Variants in CDH11 observed in about 807,000 individuals in gnomAD.
CDH11 encodes cadherin 11, also known as cadherin-11.
In CDH11, 11 loss-of-function variants were observed where a neutral mutation model predicts 67.8. The ratio of observed to expected loss-of-function variants is 0.16; its 90% CI spans 0.10 to 0.27. The LOEUF is 0.27. Among genes scored for constraint, CDH11 ranks in the 10% least tolerant of loss-of-function variants. The pLI, the probability that CDH11 is intolerant of heterozygous loss-of-function variation, is 1.00. For synonymous variants in CDH11, 419 were observed against 400.0 expected (o/e 1.05, Z -0.57); for missense variants, 847 against 1,031.2 (o/e 0.82, Z 2.45).
At chr16:64,953,714 A>G (rs2071426317) in intron 11 of CDH11, among the ~76,000 whole-genome samples, 3 of 151,976 alleles carry the variant, frequency 2.0e-5, no homozygotes, top group South Asian at 2.1e-4. Context: ...CTCTTCTTGT[A>G]TATGTTTTCA....
chr16:64,981,898 C>A (rs1350824641), intron 8 of CDH11, 150 bp downstream of exon 8: 4 of 666,980 alleles, frequency 6.0e-6, no homozygotes, highest in Admixed American at 2.9e-5. Flanking sequence ...AAGCTCATGT[C>A]TTCTAAATCT....
Position 65,078,749 on chromosome 16 carries a change from T to C in CDH11, c.-297-24821A>G, listed in dbSNP as rs965320793. Among the ~76,000 whole-genome samples the C allele has an allele frequency of 2.6e-5, 4 of 152,120 alleles. No individual in the cohort carries two copies. The East Asian group carries it at 5.8e-4, about 22-fold the overall frequency. On this transcript the variant is annotated intron_variant, in intron 1 of 12. Transcript: ENST00000268603. ...AATAGAGATTCCTGTGGGAGGCTCCTGGAATCGGGAACCTAGACAGACTCC... is the reference window on the plus strand; with the variant it reads ...AATAGAGATTCCTGTGGGAGGCTCCCGGAATCGGGAACCTAGACAGACTCC...
chr16:65,114,785 T>C (rs954985243), intron 1 of CDH11, among the ~76,000 whole-genome samples: 28 of 152,078 alleles, frequency 1.8e-4, no homozygotes, highest in African/African-American at 6.8e-4. Context: ...TGAGAAACAG[T>C]TGGAAACCAT....
chr16:64,945,695 T>G lies in CDH11; in HGVS notation c.*1908A>C. On this transcript the variant is annotated 3_prime_UTR_variant, in exon 13 of 13. Transcript: ENST00000268603. Reference sequence around the variant, plus strand: ...GTCCACAAAATGTATTCCATTGAAGTGTTCAGCCCAATTTGATTTCAATGC... The same window carrying G: ...GTCCACAAAATGTATTCCATTGAAGGGTTCAGCCCAATTTGATTTCAATGC... 9.6e-7 allele frequency: 1 copy of G among 1,040,618 alleles called. No individual in the cohort carries two copies. The highest frequency in any genetic ancestry group is 1.2e-6 in the Non-Finnish European group (1 of 863,680). 64.5% of individuals were successfully genotyped at this position (1,040,618 alleles called of 1,614,324 possible).
chr16:64,967,548 G>A (rs1418409766), intron 11 of CDH11, among the ~76,000 whole-genome samples: 3 of 152,128 alleles, frequency 2.0e-5, no homozygotes, highest in African/African-American at 4.8e-5. Flanking sequence ...AACAATGTAC[G>A]TACTTACAGT....
chr16:65,062,885 C>G (rs2074254689), intron 1 of CDH11, among the ~76,000 whole-genome samples: 3 of 152,182 alleles, frequency 2.0e-5, no homozygotes, highest in Non-Finnish European at 4.4e-5. Flanking sequence ...TCTTCAGGCA[C>G]AAATTTGAAT....
In CDH11 at chr16:64,950,846, G is replaced by C. The variant is rs751479928; in HGVS notation, c.1815C>G (p.Asn605Lys). The C allele has an allele frequency of 6.2e-7, 1 of 1,614,064 alleles. No individual in the cohort carries two copies. Among genetic ancestry groups the C allele is most frequent in the Non-Finnish European group, 8.5e-7 (1 of 1,180,034 alleles). Reference protein sequence around the residue: ...CDVNGALLSCNAEAYILNAGL... With the variant: ...CDVNGALLSCKAEAYILNAGL... ...CGGCGTTCAGAATGTAGGCCTCTGCGTTGCAGGAGAGCAGTGCCCCGTTCA... is the reference window on the plus strand; with the variant it reads ...CGGCGTTCAGAATGTAGGCCTCTGCCTTGCAGGAGAGCAGTGCCCCGTTCA... The change falls in exon 12 of 13, where the codon AAC becomes AAG. Residue 605 changes from asparagine (N) to lysine (K), a missense_variant. Around this residue, in one of 2 missense-constraint regions of CDH11, gnomAD observed 612 missense variants for 678.7 expected, o/e 0.90. Coordinates refer to ENST00000268603, the MANE Select transcript of CDH11 (RefSeq NM_001797.4).
chr16:65,122,121 C>T, upstream of CDH11: 1 of 144,578 alleles, frequency 6.9e-6, no homozygotes, highest in East Asian at 1.7e-4. Context: ...GGCGGGCGGG[C>T]AGGCGGGTGC....
At position 64,946,148 on chromosome 16, in the gene CDH11, CT is replaced by C. The variant is rs2071192479; in HGVS notation, c.*1454del. 9.5e-7 allele frequency: 1 copy of C among 1,054,340 alleles called. No individual in the cohort carries two copies. Among genetic ancestry groups the C allele is most frequent in the Non-Finnish European group, 1.1e-6 (1 of 872,460 alleles). The allele number at this position is 1,054,340 out of a possible 1,614,324, so 65.3% of individuals were successfully genotyped here. ...GGCCCCAAGCATATTCTAAACAAAG[CT>C]TTTTTAAATGAATCGCCCATTCTCA... is the stretch of plus-strand genomic sequence containing the variant. On this transcript the variant is annotated 3_prime_UTR_variant, in exon 13 of 13. Coordinates refer to ENST00000268603, the MANE Select transcript of CDH11 (RefSeq NM_001797.4).
rs2071351420 is a variant in CDH11 at position 64,951,109 on chromosome 16, T to C, written c.1643-91A>G. On this transcript the variant is annotated intron_variant, in intron 11 of 12. Coordinates refer to ENST00000268603, the MANE Select transcript of CDH11 (RefSeq NM_001797.4). ...CTCGGCAGATTTGAGGGCACTCTCTTATCATAAAGGTTAACCGCCAGAATC... is the reference window on the plus strand; with the variant it reads ...CTCGGCAGATTTGAGGGCACTCTCTCATCATAAAGGTTAACCGCCAGAATC... 5.4e-6 allele frequency: 7 copies of C among 1,290,506 alleles called. No individual in the cohort carries two copies. In the South Asian group the frequency reaches 6.8e-5, roughly 13 times the overall value. 79.9% of individuals were successfully genotyped at this position (1,290,506 alleles called of 1,614,324 possible).
At chr16:64,975,991 A>T (rs2072156935) in intron 8 of CDH11, among the ~76,000 whole-genome samples, 1 of 152,226 alleles carries the variant, frequency 6.6e-6, no homozygotes, top group Non-Finnish European at 1.5e-5. Context: ...GGCTTCAGGA[A>T]GTCAGGGGTG....
Position 64,971,512 on chromosome 16 carries a change from A to G in CDH11, c.1642+67T>C, listed in dbSNP as rs1464085821. On this transcript the variant is annotated intron_variant, in intron 11 of 12. Transcript: ENST00000268603. ...AAAGATTAGTGAAAATACTTGTGCTATGCAATGTAAACGCCATTTGTTTTC... is the reference window on the plus strand; with the variant it reads ...AAAGATTAGTGAAAATACTTGTGCTGTGCAATGTAAACGCCATTTGTTTTC... 24 of 864,186 alleles carry G rather than the reference A, an allele frequency of 2.8e-5. No individual in the cohort carries two copies. The Admixed American group carries it at 5.2e-4, about 19-fold the overall frequency. The allele number at this position is 864,186 out of a possible 1,614,324, so 53.5% of individuals were successfully genotyped here.
chr16:65,008,721 C>G (rs949392276), intron 2 of CDH11, among the ~76,000 whole-genome samples: 5 of 152,176 alleles, frequency 3.3e-5, no homozygotes, highest in Admixed American at 2.6e-4. Flanking sequence ...TAAACAATCA[C>G]AACTCTTGCC....
intron 2 of CDH11, among the ~76,000 whole-genome samples, chr16:65,050,874 C>A (rs1456736523): frequency 1.3e-5 from 2 of 151,804 alleles, no homozygotes; most frequent in African/African-American, 4.8e-5. Flanking sequence ...GACTCTGATT[C>A]ATTGACACCT....
chr16:65,068,413 GAAAAAAAAAAAAAAA>G (rs57968272), intron 1 of CDH11, among the ~76,000 whole-genome samples: 19 of 100,184 alleles, frequency 1.9e-4, no homozygotes, highest in African/African-American at 6.9e-4. Context: ...TATGACTACA[GAAAAAAAAAAAAAAA>G]AAAAAAAAAA....
At chr16:65,116,016 C>T (rs778749334) in intron 1 of CDH11, among the ~76,000 whole-genome samples, 7 of 152,106 alleles carry the variant, frequency 4.6e-5, no homozygotes, top group Non-Finnish European at 8.8e-5. Context: ...AGAATCCAGC[C>T]GTGCACTTAC....
At chr16:65,007,502 G>A (rs1235014808) in intron 2 of CDH11, among the ~76,000 whole-genome samples, 1 of 152,116 alleles carries the variant, frequency 6.6e-6, no homozygotes, top group East Asian at 1.9e-4. Context: ...CAAACCGACT[G>A]TTTGGAAAGA....
intron 8 of CDH11, among the ~76,000 whole-genome samples, chr16:64,975,441 G>A (rs1328109276): frequency 6.6e-6 from 1 of 152,154 alleles, no homozygotes; most frequent in Admixed American, 6.5e-5. Context: ...GGAAACTTAA[G>A]GATTTGATTT....
chr16:64,976,500 C>T (rs1444064263), intron 8 of CDH11, among the ~76,000 whole-genome samples: 2 of 152,042 alleles, frequency 1.3e-5, no homozygotes, highest in Non-Finnish European at 2.9e-5. Flanking sequence ...ACTCAAATGT[C>T]CTCAAAGTTG....
Sources: gnomAD v4.1 joint callset for allele counts (sites outside exome capture counted in the v4.1 genomes callset) on GRCh38, gnomAD v4.1.1 for gene constraint, gnomAD v4.1.1 regional missense constraint, MANE v1.5 for transcripts, NCBI Gene and HGNC (gene_info 2026-07-23, HGNC 2026-07-21) for gene names.